ARMH3: variants seen among roughly 807,000 people sequenced by gnomAD.
The protein encoded by ARMH3 is armadillo-like helical domain-containing protein 3.
In ARMH3, 60 loss-of-function variants were observed where a neutral mutation model predicts 99.1. The ratio of observed to expected loss-of-function variants is 0.61; its 90% CI spans 0.49 to 0.75. ARMH3 has a LOEUF of 0.75. Ranked by LOEUF, ARMH3 falls within the 30% of genes least tolerant of loss-of-function variation. The probability of loss-of-function intolerance (pLI) is 0.00; values close to 1 mark genes in which losing one functional copy is unlikely to be tolerated. For missense variants in ARMH3, 679 were observed against 843.1 expected, an observed-to-expected ratio of 0.81 and a Z score of 2.41; for synonymous variants, 285 against 292.8, an observed-to-expected ratio of 0.97 and a Z score of 0.27.
intron 2 of ARMH3, among the ~76,000 whole-genome samples, chr10:102,036,725 C>T (rs2067286195): frequency 6.6e-6 from 1 of 152,104 alleles, no homozygotes; most frequent in Admixed American, 6.6e-5. Flanking sequence ...TACCCAGGGA[C>T]ACAAACACTG....
At chr10:101,847,734 C>A in intron 25 of ARMH3, 114 bp from the exon 26 acceptor site, 1 of 931,722 alleles carries the variant, frequency 1.1e-6, no homozygotes, top group East Asian at 2.5e-5. Context: ...AGAAGTCTCT[C>A]TCTTAGGAAA....
intron 23 of ARMH3, among the ~76,000 whole-genome samples, chr10:101,892,925 G>A (rs2067728478): frequency 6.6e-6 from 1 of 152,210 alleles, no homozygotes; most frequent in Non-Finnish European, 1.5e-5. Context: ...AAACTACCAA[G>A]AGAGCTGGAG....
At chr10:101,981,737 G>A (rs1479490505) in intron 19 of ARMH3, among the ~76,000 whole-genome samples, 1 of 152,106 alleles carries the variant, frequency 6.6e-6, no homozygotes, top group Admixed American at 6.5e-5. Context: ...CTTGGGTACA[G>A]GCCGGGCATG....
At chr10:101,885,047 T>C (rs942172329) in intron 24 of ARMH3, among the ~76,000 whole-genome samples, 1 of 152,128 alleles carries the variant, frequency 6.6e-6, no homozygotes. Context: ...ATGGCTAATA[T>C]GTACATGAAG....
chr10:101,870,032 T>TA (rs1353616819), intron 24 of ARMH3, among the ~76,000 whole-genome samples: 2 of 152,086 alleles, frequency 1.3e-5, no homozygotes, highest in African/African-American at 4.8e-5. Flanking sequence ...GATCCTGTCT[T>TA]AAAAAGAAAA....
At chr10:102,031,896 G>A (rs532052037) in intron 4 of ARMH3, among the ~76,000 whole-genome samples, 1 of 152,090 alleles carries the variant, frequency 6.6e-6, no homozygotes, top group Non-Finnish European at 1.5e-5. Context: ...GCGCCACCAC[G>A]CCCGGCTAAT....
intron 19 of ARMH3, among the ~76,000 whole-genome samples, chr10:101,982,099 T>C (rs186677193): frequency 7.1e-6 from 1 of 140,376 alleles, no homozygotes; most frequent in Admixed American, 7.3e-5. Flanking sequence ...AGGCCGGGTA[T>C]AGCGGGTATA....
chr10:101,885,791 C>T (rs970516111), intron 24 of ARMH3, among the ~76,000 whole-genome samples: 25 of 152,154 alleles, frequency 1.6e-4, no homozygotes, highest in African/African-American at 6.0e-4. Context: ...CAGTGGCTCA[C>T]GCCTGTAATC....
chr10:101,940,427 G>T (rs1345559386), intron 22 of ARMH3, among the ~76,000 whole-genome samples: 4 of 151,904 alleles, frequency 2.6e-5, no homozygotes, highest in Admixed American at 2.6e-4. Flanking sequence ...CATAGAGGAT[G>T]GTCATGTGTC....
At chr10:101,944,295 G>C (rs1368741942) in intron 22 of ARMH3, among the ~76,000 whole-genome samples, 1 of 112,984 alleles carries the variant, frequency 8.9e-6, no homozygotes, top group African/African-American at 3.6e-5. Context: ...GAGAGAGAGA[G>C]AGAGAGAGAG....
chr10:101,881,698 A>G (rs1372641992), intron 24 of ARMH3, among the ~76,000 whole-genome samples: 2 of 152,224 alleles, frequency 1.3e-5, no homozygotes, highest in Non-Finnish European at 2.9e-5. Flanking sequence ...GATGAGAGTC[A>G]GTGCGATAGG....
chr10:101,961,854 C>T (rs181647130), intron 20 of ARMH3, among the ~76,000 whole-genome samples: 152 of 152,266 alleles, frequency 1.0e-3, no homozygotes, highest in Admixed American at 2.2e-3. Flanking sequence ...AAACATAGTA[C>T]GGTTAATCAG....
At chr10:101,963,808 G>T (rs1275885150) in intron 20 of ARMH3, among the ~76,000 whole-genome samples, 1 of 151,572 alleles carries the variant, frequency 6.6e-6, no homozygotes, top group Non-Finnish European at 1.5e-5. Flanking sequence ...AAATAAGGTG[G>T]TAGTAGGCTA....
chr10:101,988,223 T>G (rs2135990860), intron 19 of ARMH3, among the ~76,000 whole-genome samples: 1 of 152,286 alleles, frequency 6.6e-6, no homozygotes, highest in East Asian at 1.9e-4. Flanking sequence ...CAATGATGCT[T>G]ACTAACAGAA....
At chr10:101,958,206 A>G (rs1420683903) in intron 20 of ARMH3, among the ~76,000 whole-genome samples, 3 of 152,242 alleles carry the variant, frequency 2.0e-5, no homozygotes, top group Admixed American at 6.5e-5. Flanking sequence ...CACCAGATAT[A>G]GCAGCTATAC....
chr10:102,009,719 C>G (rs2066587348), intron 12 of ARMH3, among the ~76,000 whole-genome samples: 1 of 152,172 alleles, frequency 6.6e-6, no homozygotes, highest in Non-Finnish European at 1.5e-5. Flanking sequence ...CCTCAACTGG[C>G]TCAGACACCC....
chr10:101,935,214 C>A (rs1381008824), intron 23 of ARMH3, among the ~76,000 whole-genome samples: 1 of 116,932 alleles, frequency 8.6e-6, no homozygotes, highest in Non-Finnish European at 1.8e-5. Context: ...TTTTGTATAG[C>A]AAAGCAACGA....
Position 101,962,561 on chromosome 10 carries a change from G to A in ARMH3, c.1496-4829C>T, listed in dbSNP as rs79654364. 7.3e-3 allele frequency among the ~76,000 whole-genome samples: 1,111 copies of A among 152,304 alleles called. 11 individuals are homozygous for A. Among genetic ancestry groups the A allele is most frequent in the African/African-American group, 0.025 (1,057 of 41,550 alleles). ...CTTATTAGGTGCTTGCTAGGTGCTA[G>A]ATATTATGTAAAGCACTTAAATTAT... On this transcript the variant is annotated intron_variant, in intron 20 of 25. Transcript: ENST00000370033.
chr10:102,050,528 C>G (rs2067675536), intron 1 of ARMH3, among the ~76,000 whole-genome samples: 1 of 152,052 alleles, frequency 6.6e-6, no homozygotes, highest in South Asian at 2.1e-4. Flanking sequence ...ATAGAAACTC[C>G]AAACTGACAT....
Sources: allele counts gnomAD v4.1 joint callset (sites outside exome capture counted in the v4.1 genomes callset), GRCh38; gene constraint gnomAD v4.1.1; transcripts MANE v1.5; gene names NCBI Gene and HGNC (gene_info 2026-07-23, HGNC 2026-07-21).